The following ARHGAP29 variants were observed in gnomAD, a reference collection of about 807,000 sequenced individuals.
The protein encoded by ARHGAP29 is rho GTPase-activating protein 29.
A neutral mutation model predicts 122.6 loss-of-function variants in ARHGAP29; 43 were observed. The observed-to-expected ratio is 0.35, with a 90% confidence interval of 0.27 to 0.45. The LOEUF is 0.45. Ranked by LOEUF, ARHGAP29 falls within the 20% of genes least tolerant of loss-of-function variation. The pLI, the probability that ARHGAP29 is intolerant of heterozygous loss-of-function variation, is 1.00. For missense variants in ARHGAP29, 1,303 were observed against 1,477.2 expected (o/e 0.88, Z 1.93); for synonymous variants, 506 against 497.1 (o/e 1.02, Z -0.24).
At chr1:94,294,640 A>G in the ARHGAP29 span, among the ~76,000 whole-genome samples, 1 of 152,138 alleles carries the variant, frequency 6.6e-6, no homozygotes, top group Non-Finnish European at 1.5e-5. Flanking sequence ...CCCCAGACTT[A>G]GAGATGATAG....
At chr1:94,283,604 G>A in the ARHGAP29 span, among the ~76,000 whole-genome samples, 3 of 152,282 alleles carry the variant, frequency 2.0e-5, no homozygotes, top group Admixed American at 6.5e-5. Context: ...TCTAGGGAGA[G>A]TGATGAAAAA....
intron 1 of ARHGAP29, among the ~76,000 whole-genome samples, chr1:94,234,499 G>T (rs1653128244): frequency 1.3e-5 from 2 of 152,036 alleles, no homozygotes; most frequent in South Asian, 4.1e-4. Flanking sequence ...ATTAAACTGG[G>T]GACCACACTT....
the ARHGAP29 span, among the ~76,000 whole-genome samples, chr1:94,290,212 G>T: frequency 6.6e-6 from 1 of 151,520 alleles, no homozygotes; most frequent in African/African-American, 2.4e-5. Context: ...GTCTATTCGG[G>T]TCTATTCATC....
Position 94,171,160 on chromosome 1 carries a change from G to C in ARHGAP29, c.*2709C>G, listed in dbSNP as rs117573635. On this transcript the variant is annotated 3_prime_UTR_variant, in exon 23 of 23. Coordinates refer to ENST00000260526, the MANE Select transcript of ARHGAP29 (RefSeq NM_004815.4). ...AATACTGTAACACAACGATAGCTGGGAATAGTGTAGCCATAGTACCATCTT... is the reference window on the plus strand; with the variant it reads ...AATACTGTAACACAACGATAGCTGGCAATAGTGTAGCCATAGTACCATCTT... Among the ~76,000 whole-genome samples, 2 of 152,242 alleles carry C rather than the reference G, an allele frequency of 1.3e-5. No homozygotes were observed. Among genetic ancestry groups the C allele is most frequent in the East Asian group, 1.9e-4 (1 of 5,186 alleles).
intron 2 of ARHGAP29, among the ~76,000 whole-genome samples, chr1:94,224,723 G>A (rs1652515844): frequency 6.6e-6 from 1 of 151,752 alleles, no homozygotes; most frequent in South Asian, 2.1e-4. Flanking sequence ...TCTGTCCCTG[G>A]ATTTCAAGAA....
chr1:94,225,328 T>C (rs947932237), intron 2 of ARHGAP29, among the ~76,000 whole-genome samples: 4 of 152,128 alleles, frequency 2.6e-5, no homozygotes, highest in African/African-American at 9.6e-5. Context: ...CTCAGATTCA[T>C]CCTCAGTAAA....
intron 15 of ARHGAP29, among the ~76,000 whole-genome samples, chr1:94,187,442 T>A (rs1230519922): frequency 6.6e-6 from 1 of 152,206 alleles, no homozygotes; most frequent in Non-Finnish European, 1.5e-5. Flanking sequence ...CAAGGTTGTA[T>A]TACTCCATTT....
rs749029424 is a variant in ARHGAP29 at position 94,174,144 on chromosome 1, C to G, written c.3511G>C (p.Ala1171Pro). The change falls in exon 23 of 23, where the codon GCT becomes CCT. Residue 1171 changes from alanine to proline, a missense_variant. Coordinates refer to ENST00000260526, the MANE Select transcript of ARHGAP29 (RefSeq NM_004815.4). ...TTCCCCCTGATACTGATGATGGGAG[C>G]ATGTGGTTTATAAAATGTTGTCCAA... ...QHWTTFYKPH[A>P]PIISIRGNEE... 1.2e-6 allele frequency: 2 copies of G among 1,614,144 alleles called. No individual in the cohort carries two copies.
intron 1 of ARHGAP29, among the ~76,000 whole-genome samples, chr1:94,252,272 T>G (rs1022656962): frequency 6.6e-6 from 1 of 152,220 alleles, no homozygotes; most frequent in Non-Finnish European, 1.5e-5. Flanking sequence ...AAGTTCTGCT[T>G]ATAGCTTGGT....
chr1:94,186,714 AT>A, intron 15 of ARHGAP29, 117 bp from the exon 16 acceptor site: 1 of 751,486 alleles, frequency 1.3e-6, no homozygotes, highest in Non-Finnish European at 2.2e-6. Context: ...CAATGTAAAA[AT>A]TTGCTTCTAT....
chr1:94,220,160 G>A, intron 3 of ARHGAP29, 98 bp downstream of exon 3: 1 of 1,305,720 alleles, frequency 7.7e-7, no homozygotes, highest in Admixed American at 2.0e-5. Context: ...TCACACAAAT[G>A]CAATGAGAGG....
At chr1:94,297,781 G>C in the ARHGAP29 span, among the ~76,000 whole-genome samples, 1 of 152,192 alleles carries the variant, frequency 6.6e-6, no homozygotes, top group African/African-American at 2.4e-5. Flanking sequence ...TGAGTTGTGT[G>C]TGGTATGAGC....
chr1:94,252,110 G>A (rs1654119457), intron 1 of ARHGAP29, among the ~76,000 whole-genome samples: 1 of 152,190 alleles, frequency 6.6e-6, no homozygotes, highest in Admixed American at 6.5e-5. Context: ...CATTTTGAGA[G>A]TTTTAATCAG....
the ARHGAP29 span, among the ~76,000 whole-genome samples, chr1:94,306,816 A>G: frequency 6.6e-6 from 1 of 152,238 alleles, no homozygotes; most frequent in African/African-American, 2.4e-5. Flanking sequence ...AGGGGTTTAC[A>G]CCAAAAGTGC....
At position 94,186,378 on chromosome 1, in the gene ARHGAP29, A is replaced by T. The variant is rs1649802663; in HGVS notation, c.1780+121T>A. The T allele has an allele frequency of 8.1e-6, 5 of 616,550 alleles. No individual in the cohort carries two copies. The South Asian group carries it at 1.4e-4, about 18-fold the overall frequency. The allele number at this position is 616,550 out of a possible 1,614,324, so 38.2% of individuals were successfully genotyped here. On this transcript the variant is annotated intron_variant, in intron 16 of 22. Transcript: ENST00000260526. ...TTGGGATATATTTAAGTCATGGTGA[A>T]TTTTTTTTGTTTAATACACAAAAAA...
At chr1:94,207,890 G>C (rs1181043304) in intron 5 of ARHGAP29, among the ~76,000 whole-genome samples, 1 of 151,768 alleles carries the variant, frequency 6.6e-6, no homozygotes, top group Non-Finnish European at 1.5e-5. Context: ...GCACTGGCTA[G>C]AGAGGAATGA....
At chr1:94,309,831 C>T in the ARHGAP29 span, among the ~76,000 whole-genome samples, 2,495 of 152,200 alleles carry the variant, frequency 0.016, 67 homozygotes, top group African/African-American at 0.057. Flanking sequence ...AGGTAAATGG[C>T]GATCTCCCTT....
At chr1:94,306,709 A>G in the ARHGAP29 span, among the ~76,000 whole-genome samples, 1 of 152,192 alleles carries the variant, frequency 6.6e-6, no homozygotes, top group Admixed American at 6.5e-5. Context: ...CCAAATGGAT[A>G]TGCACCAACA....
At chr1:94,280,344 T>C in the ARHGAP29 span, among the ~76,000 whole-genome samples, 1 of 152,088 alleles carries the variant, frequency 6.6e-6, no homozygotes, top group Admixed American at 6.6e-5. Context: ...CTGTGCCAGG[T>C]TGGGTGGGAG....
Sources: gnomAD v4.1 joint callset for allele counts (sites outside exome capture counted in the v4.1 genomes callset) on GRCh38, gnomAD v4.1.1 for gene constraint, MANE v1.5 for transcripts, NCBI Gene and HGNC (gene_info 2026-07-23, HGNC 2026-07-21) for gene names.